ADGRL2: variants seen among roughly 807,000 people sequenced by gnomAD.
ADGRL2 encodes calcium-independent alpha-latrotoxin receptor 2.
In ADGRL2, 44 loss-of-function variants were observed where a neutral mutation model predicts 157.4. The ratio of observed to expected loss-of-function variants is 0.28; its 90% CI spans 0.22 to 0.36. ADGRL2 has a LOEUF of 0.36. Ranked by LOEUF, ADGRL2 falls within the 10% of genes least tolerant of loss-of-function variation. ADGRL2 has a pLI of 1.00. For missense variants in ADGRL2, 1,510 were observed against 1,768.9 expected, an observed-to-expected ratio of 0.85 and a Z score of 2.63; for synonymous variants, 585 against 624.7, an observed-to-expected ratio of 0.94 and a Z score of 0.95.
chr1:81,356,615 T>C (rs958933770), intron 1 of ADGRL2, among the ~76,000 whole-genome samples: 1 of 152,190 alleles, frequency 6.6e-6, no homozygotes, highest in Non-Finnish European at 1.5e-5. Context: ...CTTCTAAGCA[T>C]CTTCTCAGTG....
chr1:81,359,373 T>A (rs946731720), intron 1 of ADGRL2, among the ~76,000 whole-genome samples: 17 of 152,192 alleles, frequency 1.1e-4, no homozygotes, highest in African/African-American at 4.1e-4. Flanking sequence ...AGTCTTTAGT[T>A]CCAATTCATC....
At chr1:81,754,541 T>TTCCTGCTTTCTTTCTC (rs1553149499) in intron 1 of ADGRL2, among the ~76,000 whole-genome samples, 9 of 140,028 alleles carry the variant, frequency 6.4e-5, no homozygotes, top group African/African-American at 2.0e-4. Context: ...CTTTCTTTCT[T>TTCCTGCTTTCTTTCTC]TCCTTCTTTC....
intron 1 of ADGRL2, among the ~76,000 whole-genome samples, chr1:81,358,423 T>A (rs2075908652): frequency 6.6e-6 from 1 of 152,118 alleles, no homozygotes. Flanking sequence ...ATCCAGATTT[T>A]CCAGAAGTTG....
rs148236988 is a variant in ADGRL2 at position 81,946,673 on chromosome 1, A to G, written c.1210+2904A>G. ...TGTAATACCAGGAAAAAATTTTTAT[A>G]AAGAGAGCCATTTTGTTTATATATA... On this transcript the variant is annotated intron_variant, in intron 6 of 23. Coordinates refer to ENST00000686636, the MANE Select transcript of ADGRL2 (RefSeq NM_001366006.2). 3.3e-4 allele frequency among the ~76,000 whole-genome samples: 50 copies of G among 152,230 alleles called. 2 individuals carry two copies. The highest frequency in any genetic ancestry group is 1.7e-3 in the South Asian group (8 of 4,824).
At chr1:81,710,470 A>G (rs1341318839) in intron 1 of ADGRL2, among the ~76,000 whole-genome samples, 1 of 151,466 alleles carries the variant, frequency 6.6e-6, no homozygotes, top group East Asian at 2.0e-4. Flanking sequence ...AATACAAAAA[A>G]TCAGCTAGGT....
intron 2 of ADGRL2, among the ~76,000 whole-genome samples, chr1:81,860,403 C>T (rs753455101): frequency 5.3e-5 from 8 of 151,992 alleles, no homozygotes; most frequent in Non-Finnish European, 1.2e-4. Context: ...TTTTGAATTC[C>T]TGGCCTCTGG....
chr1:81,983,762 A>G (rs1405292370), intron 19 of ADGRL2, among the ~76,000 whole-genome samples: 2 of 151,962 alleles, frequency 1.3e-5, no homozygotes, highest in Admixed American at 6.6e-5. Context: ...ATGGGGCCCT[A>G]TTATTTAGCA....
intron 1 of ADGRL2, among the ~76,000 whole-genome samples, chr1:81,436,680 C>T (rs915914482): frequency 1.3e-5 from 2 of 152,208 alleles, no homozygotes; most frequent in Non-Finnish European, 2.9e-5. Context: ...CATCCTTCCA[C>T]TTCTAGTTCC....
chr1:81,712,367 G>A (rs9662349), intron 1 of ADGRL2, among the ~76,000 whole-genome samples: 60,738 of 151,996 alleles, frequency 0.4, 12,351 homozygotes, highest in Admixed American at 0.5. Flanking sequence ...TCATCGATGT[G>A]ACCTGACATG....
At chr1:81,354,745 A>C (rs927110033) in intron 1 of ADGRL2, among the ~76,000 whole-genome samples, 2 of 152,178 alleles carry the variant, frequency 1.3e-5, no homozygotes, top group Admixed American at 6.5e-5. Context: ...ATTTTGCTTC[A>C]CAAGAAGGCA....
At chr1:81,924,210 C>T (rs2095052600) in intron 3 of ADGRL2, among the ~76,000 whole-genome samples, 1 of 151,948 alleles carries the variant, frequency 6.6e-6, no homozygotes, top group South Asian at 2.1e-4. Flanking sequence ...ATGGAGGGCA[C>T]CACTGGGAGT....
At chr1:81,323,948 T>C (rs1660706748) in intron 1 of ADGRL2, among the ~76,000 whole-genome samples, 1 of 152,110 alleles carries the variant, frequency 6.6e-6, no homozygotes, top group Non-Finnish European at 1.5e-5. Context: ...TGAGGCCGGA[T>C]TGTTGTAGCT....
chr1:81,940,003 C>T (rs539600841), intron 4 of ADGRL2, among the ~76,000 whole-genome samples: 2 of 151,114 alleles, frequency 1.3e-5, no homozygotes, highest in South Asian at 4.2e-4. Context: ...TACTTATTTT[C>T]CTTCAATATG....
At chr1:81,328,274 T>C (rs974374010) in intron 1 of ADGRL2, among the ~76,000 whole-genome samples, 1 of 152,144 alleles carries the variant, frequency 6.6e-6, no homozygotes, top group Non-Finnish European at 1.5e-5. Context: ...CAGAGAACAG[T>C]AAATTTATAA....
intron 1 of ADGRL2, among the ~76,000 whole-genome samples, chr1:81,803,371 G>A (rs2088602699): frequency 6.6e-6 from 1 of 152,076 alleles, no homozygotes; most frequent in Admixed American, 6.5e-5. Flanking sequence ...GCGGGGTGGG[G>A]GTGAGGGGAG....
intron 2 of ADGRL2, among the ~76,000 whole-genome samples, chr1:81,501,632 C>G (rs1194434872): frequency 1.3e-5 from 2 of 152,248 alleles, no homozygotes; most frequent in Non-Finnish European, 2.9e-5. Context: ...ACGCAGCTGC[C>G]GCGCCTGGGC....
intron 2 of ADGRL2, among the ~76,000 whole-genome samples, chr1:81,896,806 T>C (rs1288560377): frequency 2.0e-5 from 3 of 152,326 alleles, no homozygotes; most frequent in African/African-American, 2.4e-5. Context: ...CAAAGACCCT[T>C]AGAATGTGTT....
At chr1:81,330,824 C>A (rs1356022522) in intron 1 of ADGRL2, among the ~76,000 whole-genome samples, 3 of 152,308 alleles carry the variant, frequency 2.0e-5, no homozygotes, top group Non-Finnish European at 4.4e-5. Flanking sequence ...TTAAGGTCCA[C>A]ATTTATGGAT....
intron 1 of ADGRL2, among the ~76,000 whole-genome samples, chr1:81,813,280 G>A (rs561449117): frequency 6.6e-6 from 1 of 151,710 alleles, no homozygotes; most frequent in East Asian, 1.9e-4. Flanking sequence ...AGATGTAATA[G>A]TTCATTTCTC....
Sources: allele counts gnomAD v4.1 joint callset (sites outside exome capture counted in the v4.1 genomes callset), GRCh38; gene constraint gnomAD v4.1.1; transcripts MANE v1.5; gene names NCBI Gene and HGNC (gene_info 2026-07-23, HGNC 2026-07-21).